DNAJB1: variants seen among roughly 807,000 people sequenced by gnomAD.
DNAJB1 encodes dnaJ homolog subfamily B member 1.
Under a neutral mutation model 24.0 loss-of-function variants are expected in DNAJB1, and 14 were observed. The observed-to-expected ratio is 0.58, with a 90% CI of 0.39 to 0.91. The LOEUF (loss-of-function observed/expected upper bound fraction) is 0.91, where lower values mean the gene tolerates loss of function less well. Ranked by LOEUF, DNAJB1 falls within the 40% of genes least tolerant of loss-of-function variation. DNAJB1 has a pLI of 0.00. For synonymous variants in DNAJB1, 262 were observed against 174.4 expected, an observed-to-expected ratio of 1.50 and a Z score of -3.96; for missense variants, 517 against 458.1, an observed-to-expected ratio of 1.13 and a Z score of -1.17.
At chr19:14,540,516 C>A (rs559004777) in intron 1 of DNAJB1, among the ~76,000 whole-genome samples, 3 of 152,034 alleles carry the variant, frequency 2.0e-5, no homozygotes, top group Admixed American at 2.0e-4. Flanking sequence ...CTCAGCCTCC[C>A]GAGTAGCTGG....
chr19:14,516,876 C>T lies in DNAJB1; in HGVS notation c.382G>A (p.Asp128Asn). ...QRNGEEGMDIDDPFSGFPMGM... is the reference protein window; with the variant it reads ...QRNGEEGMDINDPFSGFPMGM... ...ATAGGGAAGCCAGAGAATGGGTCAT[C>T]AATGTCCATGCCTTCCTCCCCGTTC... The change falls in exon 2 of 3, where the codon GAT becomes AAT. Residue 128 changes from aspartate to asparagine, a missense_variant. Asp to Asn is a conservative substitution (Grantham distance 23). Coordinates refer to ENST00000254322, the MANE Select transcript of DNAJB1 (RefSeq NM_006145.3). The T allele has an allele frequency of 6.2e-7, 1 of 1,614,116 alleles. No homozygotes were observed. Among genetic ancestry groups the T allele is most frequent in the Non-Finnish European group, 8.5e-7 (1 of 1,180,020 alleles).
chr19:14,540,282 A>T (rs941959481), intron 1 of DNAJB1, among the ~76,000 whole-genome samples: 2 of 151,596 alleles, frequency 1.3e-5, no homozygotes, highest in African/African-American at 4.9e-5. Context: ...GTCAGCCAGG[A>T]TGGTCTCGAT....
upstream of DNAJB1, chr19:14,530,079 C>T (rs191492134): frequency 1.4e-4 from 52 of 363,716 alleles, 1 homozygote; most frequent in East Asian, 1.5e-3. Flanking sequence ...ACAAATCTTG[C>T]GCCACGCCGC....
At chr19:14,547,210 A>G (rs2073337916) in intron 1 of DNAJB1, among the ~76,000 whole-genome samples, 1 of 152,192 alleles carries the variant, frequency 6.6e-6, no homozygotes, top group African/African-American at 2.4e-5. Flanking sequence ...TAGACTCTAG[A>G]TAGATTTAAC....
At chr19:14,523,176 A>C (rs1316241617), upstream of DNAJB1, among the ~76,000 whole-genome samples, 1 of 152,068 alleles carries the variant, frequency 6.6e-6, no homozygotes, top group Non-Finnish European at 1.5e-5. Flanking sequence ...ACTGTACTCC[A>C]GCCTGGGCAA....
At chr19:14,540,423 T>C (rs2073057727) in intron 1 of DNAJB1, among the ~76,000 whole-genome samples, 1 of 151,356 alleles carries the variant, frequency 6.6e-6, no homozygotes, top group Non-Finnish European at 1.5e-5. Flanking sequence ...GGCAGAGTCG[T>C]GCTCTGTCAC....
At chr19:14,519,227 G>C (rs1028717686), upstream of DNAJB1, among the ~76,000 whole-genome samples, 10 of 152,166 alleles carry the variant, frequency 6.6e-5, no homozygotes, top group African/African-American at 2.4e-4. Flanking sequence ...AATTACCCGG[G>C]CGTTGGTGGC....
At chr19:14,543,417 ATATTTTTTTTTTTTTTTTTTTTTTTT>A (rs2073189217) in intron 1 of DNAJB1, among the ~76,000 whole-genome samples, 1 of 9,992 alleles carries the variant, frequency 1.0e-4, no homozygotes, top group Non-Finnish European at 2.0e-4. Context: ...ATATATATAT[ATATTTTTTTTTTTTTTTTTTTTTTTT>A]TTTTTTTTTT....
At chr19:14,558,530 A>G (rs2073810258) in intron 1 of DNAJB1, among the ~76,000 whole-genome samples, 1 of 152,044 alleles carries the variant, frequency 6.6e-6, no homozygotes. Flanking sequence ...CCTGGTGAGA[A>G]TTCCTCTCAG....
At position 14,543,403 on chromosome 19, in the gene DNAJB1, ATATATATATATATATATTTTTTTTTT is replaced by A. The variant is rs1478245384; in HGVS notation, c.-214+6779_-214+6804del. 5.4e-3 allele frequency among the ~76,000 whole-genome samples: 53 copies of A among 9,790 alleles called. 2 individuals carry two copies. Among genetic ancestry groups the A allele is most frequent in the African/African-American group, 0.013 (48 of 3,718 alleles). 6.4% of individuals were successfully genotyped at this position (9,790 alleles called of 152,430 possible). On this transcript the variant is annotated intron_variant, in intron 1 of 3. Coordinates refer to the DNAJB1 transcript ENST00000676982. ...TGTTTCAGAGAATATATATATATAT[ATATATATATATATATATTTTTTTTTT>A]TTTTTTTTTTTTTTTTTTTTTTTTT... is the stretch of plus-strand genomic sequence containing the variant.
intron 1 of DNAJB1, among the ~76,000 whole-genome samples, chr19:14,557,517 T>G (rs1009803190): frequency 6.1e-5 from 9 of 146,626 alleles, no homozygotes; most frequent in African/African-American, 2.3e-4. Context: ...AGTGGTGCGA[T>G]ATCAGCTCAC....
At chr19:14,521,984 C>G (rs982588228), upstream of DNAJB1, among the ~76,000 whole-genome samples, 1 of 151,656 alleles carries the variant, frequency 6.6e-6, no homozygotes, top group African/African-American at 2.4e-5. Context: ...ATTAAACAAA[C>G]AAACAAACCC....
chr19:14,523,552 T>G (rs1390221816), intron 2 of DNAJB1, among the ~76,000 whole-genome samples: 1 of 151,818 alleles, frequency 6.6e-6, no homozygotes, highest in African/African-American at 2.4e-5. Context: ...GATCTCATGA[T>G]CCACCCACCT....
chr19:14,516,721 A>G lies in DNAJB1; in HGVS notation c.537T>C (p.Cys179=), dbSNP rs1224241023. 4 of 1,614,024 alleles carry G rather than the reference A, an allele frequency of 2.5e-6. No homozygotes were observed. The highest frequency in any genetic ancestry group is 3.4e-6 in the Non-Finnish European group (4 of 1,180,022). Residue 179 remains cysteine, a synonymous_variant, in exon 2 of 3, where the codon TGT becomes TGC. Coordinates refer to ENST00000254322, the MANE Select transcript of DNAJB1 (RefSeq NM_006145.3). ...TGTGGGAGATTTTCATCTTCTTGGT[A>G]CAGCCGCTGTAGATCTCTTCAAGGG... ...RVSLEEIYSG[C]TKKMKISHKR...
At chr19:14,529,827 C>G, upstream of DNAJB1, 2 of 1,474,112 alleles carry the variant, frequency 1.4e-6, no homozygotes, top group Non-Finnish European at 1.9e-6. Flanking sequence ...AGCCAGACGG[C>G]GCAGGCGCAG....
chr19:14,529,866 G>C, upstream of DNAJB1: 1 of 1,032,814 alleles, frequency 9.7e-7, no homozygotes, highest in Non-Finnish European at 1.5e-6. Context: ...CGGGCCACTC[G>C]TAAATTCCAA....
chr19:14,528,903 A>C (rs1026955623), intron 1 of DNAJB1, among the ~76,000 whole-genome samples: 1 of 152,138 alleles, frequency 6.6e-6, no homozygotes, highest in Non-Finnish European at 1.5e-5. Flanking sequence ...TCATTGCGCC[A>C]CTGCACTCCA....
chr19:14,516,158 A>G lies in DNAJB1; in HGVS notation c.805T>C (p.Cys269Arg). 1 of 1,613,450 alleles carries G rather than the reference A, an allele frequency of 6.2e-7. No homozygotes were observed. Among genetic ancestry groups the G allele is most frequent in the Non-Finnish European group, 8.5e-7 (1 of 1,179,894 alleles). ...TCCAGAGTGGGGACGTTCACTGTGC[A>G]GCCACACAGAGCCTTGAAAAGCAAA... ...RISLREALCG[C>R]TVNVPTLDGR... The change falls in exon 3 of 3, where the codon TGC becomes CGC. Residue 269 changes from cysteine to arginine, a missense_variant. By Grantham distance (180) the Cys-to-Arg change is radical. Transcript: ENST00000254322.
chr19:14,556,050 C>T (rs1246388039), intron 1 of DNAJB1, among the ~76,000 whole-genome samples: 3 of 152,202 alleles, frequency 2.0e-5, no homozygotes, highest in Non-Finnish European at 2.9e-5. Flanking sequence ...ATGGCTGCCA[C>T]TTCACTCAGA....
Sources: allele counts gnomAD v4.1 joint callset (sites outside exome capture counted in the v4.1 genomes callset), GRCh38; gene constraint gnomAD v4.1.1; transcripts MANE v1.5; gene names NCBI Gene and HGNC (gene_info 2026-07-23, HGNC 2026-07-21).